Variants in M1AP observed in about 807,000 individuals in gnomAD.
M1AP encodes the protein meiosis 1 associated protein, also known as meiosis 1 arrest protein.
A neutral mutation model predicts 51.2 loss-of-function variants in M1AP; 39 were observed. The ratio of observed to expected loss-of-function variants is 0.76; its 90% CI spans 0.59 to 1.00. The LOEUF is 1.00. M1AP is among the 50% of genes least tolerant of loss of function. M1AP has a pLI of 0.00. For missense variants in M1AP, 545 were observed against 641.2 expected, an observed-to-expected ratio of 0.85 and a Z score of 1.62; for synonymous variants, 251 against 249.2, an observed-to-expected ratio of 1.01 and a Z score of -0.07.
intron 2 of M1AP, chr2:74,628,560 CAA>C: frequency 3.7e-6 from 2 of 544,206 alleles, no homozygotes; most frequent in Non-Finnish European, 3.5e-6. Flanking sequence ...AAGTCCCAAT[CAA>C]AAGATTCTTG....
At chr2:74,639,499 C>T (rs977585490) in intron 2 of M1AP, among the ~76,000 whole-genome samples, 1 of 152,208 alleles carries the variant, frequency 6.6e-6, no homozygotes, top group Admixed American at 6.5e-5. Context: ...AAAGACACTG[C>T]CCCTGGCCCA....
At position 74,560,160 on chromosome 2, in the gene M1AP, A is replaced by T. The variant is rs1183923341; in HGVS notation, c.1413T>A (p.Ala471=). The part of the protein sequence containing the change: ...GRLHPHWESR[A]PRKHPCKTGQ... Reference sequence around the variant, plus strand: ...AGGAGGGGAGCGGTACCTTTCTCGGAGCTCGGCTCTCCCAGTGTGGGTGGA... The same window carrying T: ...AGGAGGGGAGCGGTACCTTTCTCGGTGCTCGGCTCTCCCAGTGTGGGTGGA... Residue 471 remains alanine, a synonymous_variant, in exon 9 of 11, where the codon GCT becomes GCA. Coordinates refer to ENST00000421985, the MANE Select transcript of M1AP (RefSeq NM_001321739.2). The T allele has an allele frequency of 2.5e-6, 4 of 1,613,728 alleles. No homozygotes were observed. The East Asian group carries it at 8.9e-5, about 36-fold the overall frequency.
chr2:74,561,399 G>A (rs1476647133), intron 8 of M1AP, among the ~76,000 whole-genome samples: 1 of 152,028 alleles, frequency 6.6e-6, no homozygotes, highest in African/African-American at 2.4e-5. Context: ...ACATAAATGA[G>A]CGCAAACACA....
intron 7 of M1AP, among the ~76,000 whole-genome samples, chr2:74,572,799 C>A (rs1678826376): frequency 6.6e-6 from 1 of 152,156 alleles, no homozygotes; most frequent in Admixed American, 6.5e-5. Flanking sequence ...AGTAAATGCT[C>A]CAAAATATGG....
chr2:74,600,733 T>C (rs190260981), intron 4 of M1AP, among the ~76,000 whole-genome samples: 110 of 152,246 alleles, frequency 7.2e-4, no homozygotes, highest in African/African-American at 2.5e-3. Flanking sequence ...ATGGAAAAAG[T>C]TTTATAATAT....
At chr2:74,644,969 G>A (rs988526957) in intron 1 of M1AP, among the ~76,000 whole-genome samples, 2 of 152,098 alleles carry the variant, frequency 1.3e-5, no homozygotes, top group Admixed American at 6.5e-5. Context: ...GTAGAGGCAG[G>A]ACAACCTGCT....
intron 4 of M1AP, among the ~76,000 whole-genome samples, chr2:74,603,619 A>T (rs1037039396): frequency 6.6e-6 from 1 of 152,214 alleles, no homozygotes; most frequent in African/African-American, 2.4e-5. Context: ...GGGAATTTAG[A>T]GGAAAAGACT....
chr2:74,602,966 T>G (rs1680757307), intron 4 of M1AP, among the ~76,000 whole-genome samples: 1 of 152,208 alleles, frequency 6.6e-6, no homozygotes, highest in South Asian at 2.1e-4. Flanking sequence ...ACATAACAAG[T>G]TCTTTCTGGT....
chr2:74,641,267 C>T (rs1683283678), intron 1 of M1AP, among the ~76,000 whole-genome samples: 1 of 152,196 alleles, frequency 6.6e-6, no homozygotes, highest in African/African-American at 2.4e-5. Context: ...CATGCTGCTT[C>T]TCTGCCTCCA....
intron 2 of M1AP, among the ~76,000 whole-genome samples, chr2:74,617,532 G>A (rs2104748834): frequency 1.3e-5 from 2 of 152,342 alleles, no homozygotes; most frequent in East Asian, 3.9e-4. Flanking sequence ...TCAGAGGGTG[G>A]AGTGTGGGAG....
chr2:74,563,477 T>C (rs1447551946), intron 7 of M1AP, among the ~76,000 whole-genome samples: 1 of 152,088 alleles, frequency 6.6e-6, no homozygotes, highest in Non-Finnish European at 1.5e-5. Flanking sequence ...CGCATGCCTG[T>C]AATCCGAGCT....
rs751011238 is a variant in M1AP at position 74,640,177 on chromosome 2, G to C, written c.99C>G (p.Ser33=). 2 of 1,614,162 alleles carry C rather than the reference G, an allele frequency of 1.2e-6. No individual in the cohort carries two copies. ...AGAGGTTGGTGCAGATGTCAGCCCAGGACGGTAGAGCAATGTGCACAATGA... is the reference window on the plus strand; with the variant it reads ...AGAGGTTGGTGCAGATGTCAGCCCACGACGGTAGAGCAATGTGCACAATGA... ...RLLIVHIALP[S]WADICTNLCE... is the part of the protein sequence containing the mutation. Residue 33 remains serine (S), a synonymous_variant, in exon 2 of 11, where the codon TCC becomes TCG. Coordinates refer to ENST00000421985, the MANE Select transcript of M1AP (RefSeq NM_001321739.2).
At position 74,615,116 on chromosome 2, in the gene M1AP, A is replaced by C. The variant is rs759509912; in HGVS notation, c.274T>G (p.Cys92Gly). The C allele has an allele frequency of 3.7e-6, 6 of 1,614,094 alleles. No homozygotes were observed. The East Asian group carries it at 1.1e-4, about 30-fold the overall frequency. The change falls in exon 3 of 11, where the codon TGC (cysteine) becomes GGC (glycine). Residue 92 changes from cysteine (C) to glycine (G), a missense_variant. By Grantham distance (159) the Cys-to-Gly change is radical. Coordinates refer to ENST00000421985, the MANE Select transcript of M1AP (RefSeq NM_001321739.2). ...TGTAACATGCGGAGTTCTGAGATGC[A>C]GGTCTGCAACCTAGCAAAGTTCCCT... ...VKGNFARLQT[C>G]ISELRMLQRE...
intron 4 of M1AP, among the ~76,000 whole-genome samples, chr2:74,605,630 G>A (rs1008816810): frequency 6.6e-6 from 1 of 152,128 alleles, no homozygotes; most frequent in African/African-American, 2.4e-5. Flanking sequence ...GCTGGGCGCG[G>A]AGGCTCACAC....
At chr2:74,593,228 T>C (rs1340329263) in intron 4 of M1AP, among the ~76,000 whole-genome samples, 8 of 152,124 alleles carry the variant, frequency 5.3e-5, no homozygotes, top group African/African-American at 1.4e-4. Context: ...CGTGAGCTTA[T>C]TGAGCTGAAG....
chr2:74,558,547 TGAG>T lies in M1AP; in HGVS notation c.*166_*168del. The T allele has an allele frequency of 1.5e-6, 1 of 682,750 alleles. No individual in the cohort carries two copies. Among genetic ancestry groups the T allele is most frequent in the Non-Finnish European group, 2.4e-6 (1 of 418,862 alleles). The allele number at this position is 682,750 out of a possible 1,614,324, so 42.3% of individuals were successfully genotyped here. On this transcript the variant is annotated 3_prime_UTR_variant, in exon 11 of 11. Transcript: ENST00000421985. ...GGCTCGGGTGTGTCGCTTCCAGACT[TGAG>T]GAGTGGGACAGCACTGAAACAGGAC...
chr2:74,589,987 T>A (rs1679946384), intron 4 of M1AP, among the ~76,000 whole-genome samples: 1 of 152,206 alleles, frequency 6.6e-6, no homozygotes, highest in Non-Finnish European at 1.5e-5. Context: ...TATAATGTTT[T>A]AAGAAAGTTT....
intron 2 of M1AP, among the ~76,000 whole-genome samples, chr2:74,637,606 T>A (rs185932485): frequency 1.3e-5 from 2 of 152,330 alleles, no homozygotes; most frequent in Admixed American, 6.5e-5. Context: ...ACACTTAGGA[T>A]CTTGTGTTTA....
intron 4 of M1AP, among the ~76,000 whole-genome samples, chr2:74,601,460 T>C (rs976094788): frequency 6.6e-6 from 1 of 152,134 alleles, no homozygotes; most frequent in Non-Finnish European, 1.5e-5. Context: ...TGTCTTACAA[T>C]GTTGATGGTA....
Sources: allele counts gnomAD v4.1 joint callset (sites outside exome capture counted in the v4.1 genomes callset), GRCh38; gene constraint gnomAD v4.1.1; transcripts MANE v1.5; gene names NCBI Gene and HGNC (gene_info 2026-07-23, HGNC 2026-07-21).